The following GPC3 variants were observed in gnomAD, a reference collection of about 807,000 sequenced individuals.
The protein encoded by GPC3 is glypican 3.
Under a neutral mutation model 34.4 loss-of-function variants are expected in GPC3, and 3 were observed. That is an observed-to-expected ratio of 0.09 (90% confidence interval 0.04 to 0.23). GPC3 has a LOEUF of 0.23. GPC3 is among the 10% of genes least tolerant of loss of function. The probability of loss-of-function intolerance (pLI) is 1.00; values close to 1 mark genes in which losing one functional copy is unlikely to be tolerated. For synonymous variants in GPC3, 177 were observed against 174.0 expected, an observed-to-expected ratio of 1.02 and a Z score of -0.13; for missense variants, 351 against 445.6, an observed-to-expected ratio of 0.79 and a Z score of 1.91.
intron 7 of GPC3, among the ~76,000 whole-genome samples, chrX:133,544,387 A>G (rs866381923): frequency 6.2e-5 from 7 of 112,277 alleles, no homozygotes; most frequent in Middle Eastern, 4.7e-3. Flanking sequence ...GGGAAACATC[A>G]CAGTGATTGT....
rs1416473796 is a variant in GPC3, at chrX:133,902,982, T to C, written c.337+50068A>G. ...ATTTTAGGCCGGGTGCGGTAGCCCA[T>C]GCCTGCAATCCCAGCACTTTGGGAG... On this transcript the variant is annotated intron_variant, in intron 2 of 7. Transcript: ENST00000370818. Among the ~76,000 whole-genome samples the C allele has an allele frequency of 3.6e-5, 4 of 111,007 alleles. No individual in the cohort carries two copies. In the East Asian group the frequency reaches 1.1e-3, roughly 32 times the overall value.
chrX:133,915,245 C>A (rs2076218969), intron 2 of GPC3, among the ~76,000 whole-genome samples: 1 of 110,099 alleles, frequency 9.1e-6, no homozygotes, highest in Admixed American at 9.8e-5. Flanking sequence ...GCAATCTCAG[C>A]TCACTGCAAC....
At chrX:133,651,392 C>T (rs1011384101) in intron 6 of GPC3, among the ~76,000 whole-genome samples, 10 of 110,658 alleles carry the variant, frequency 9.0e-5, no homozygotes, top group African/African-American at 3.3e-4. Flanking sequence ...CAAATTATCA[C>T]AATATTTGGG....
intron 2 of GPC3, among the ~76,000 whole-genome samples, chrX:133,925,009 G>A (rs1172332111): frequency 9.2e-6 from 1 of 109,068 alleles, no homozygotes; most frequent in Non-Finnish European, 1.9e-5. Flanking sequence ...GTTGCAATGA[G>A]CCAAGATCAC....
At chrX:133,567,781 C>A (rs1321852044) in intron 7 of GPC3, among the ~76,000 whole-genome samples, 1 of 111,844 alleles carries the variant, frequency 8.9e-6, no homozygotes, top group Non-Finnish European at 1.9e-5. Context: ...AAAACTAAGG[C>A]CCACTTATAA....
At chrX:133,903,525 G>C (rs1467895679) in intron 2 of GPC3, among the ~76,000 whole-genome samples, 1 of 110,582 alleles carries the variant, frequency 9.0e-6, no homozygotes, top group African/African-American at 3.3e-5. Flanking sequence ...GGAGGCGGAA[G>C]TGGCAGTCAG....
At chrX:133,864,675 C>G (rs2075958176) in intron 2 of GPC3, among the ~76,000 whole-genome samples, 1 of 112,601 alleles carries the variant, frequency 8.9e-6, no homozygotes, top group African/African-American at 3.2e-5. Flanking sequence ...GAGTACAATT[C>G]TAAAGTTGTG....
chrX:133,580,947 C>CA, intron 7 of GPC3, among the ~76,000 whole-genome samples: 1 of 112,068 alleles, frequency 8.9e-6, no homozygotes, highest in East Asian at 2.8e-4. Flanking sequence ...GTCGGTGGTT[C>CA]AAAAAATGAT....
At chrX:133,862,260 C>G (rs531146744) in intron 2 of GPC3, among the ~76,000 whole-genome samples, 4 of 110,481 alleles carry the variant, frequency 3.6e-5, no homozygotes, top group African/African-American at 1.3e-4. Flanking sequence ...CAGAAAGATG[C>G]GTAAATATGT....
At chrX:133,706,893 C>T (rs1244838192) in intron 3 of GPC3, among the ~76,000 whole-genome samples, 2 of 111,753 alleles carry the variant, frequency 1.8e-5, no homozygotes, top group Admixed American at 1.9e-4. Flanking sequence ...ACCAAAAAGA[C>T]ACCTGCACCC....
At chrX:133,793,779 G>A (rs901316697) in intron 2 of GPC3, among the ~76,000 whole-genome samples, 3 of 111,897 alleles carry the variant, frequency 2.7e-5, no homozygotes, top group African/African-American at 9.8e-5. Flanking sequence ...GTAAGCTTTT[G>A]ATGAATTAAA....
chrX:133,555,176 G>C (rs2069476030), intron 7 of GPC3, among the ~76,000 whole-genome samples: 1 of 112,583 alleles, frequency 8.9e-6, no homozygotes, highest in African/African-American at 3.2e-5. Flanking sequence ...CAGCTTCCAA[G>C]TAGCTGGAAC....
intron 7 of GPC3, among the ~76,000 whole-genome samples, chrX:133,546,868 C>T (rs1240937951): frequency 8.9e-6 from 1 of 112,280 alleles, no homozygotes; most frequent in Non-Finnish European, 1.9e-5. Context: ...GATATCTGTA[C>T]TTCCAGGTTT....
At chrX:133,834,595 G>A (rs1369147920) in intron 2 of GPC3, among the ~76,000 whole-genome samples, 1 of 111,794 alleles carries the variant, frequency 8.9e-6, no homozygotes, top group Non-Finnish European at 1.9e-5. Context: ...AATAAAGTGG[G>A]CATGATAGCT....
Position 133,622,236 on chromosome X carries a change from C to T in GPC3, c.1414-25637G>A, listed in dbSNP as rs763463968. Among the ~76,000 whole-genome samples, 5 of 111,903 alleles carry T rather than the reference C, an allele frequency of 4.5e-5. No homozygotes were observed. The East Asian group carries it at 1.4e-3, about 32-fold the overall frequency. On this transcript the variant is annotated intron_variant, in intron 6 of 7. Coordinates refer to ENST00000370818, the MANE Select transcript of GPC3 (RefSeq NM_004484.4). ...CAGAAAAGCTGAAAATTCTAAAAAT[C>T]GGAGCACCTCCTCTCCTCCAAAGGA...
intron 6 of GPC3, among the ~76,000 whole-genome samples, chrX:133,629,469 C>T (rs1484969424): frequency 9.0e-6 from 1 of 111,105 alleles, no homozygotes; most frequent in Non-Finnish European, 1.9e-5. Flanking sequence ...GATCTCAGCT[C>T]ACCACAACCT....
chrX:133,867,332 G>A (rs1288764288), intron 2 of GPC3, among the ~76,000 whole-genome samples: 2 of 111,485 alleles, frequency 1.8e-5, no homozygotes, highest in East Asian at 5.6e-4. Flanking sequence ...GAATTATTGG[G>A]TTACTAGTCC....
intron 7 of GPC3, among the ~76,000 whole-genome samples, chrX:133,564,462 CAG>C (rs1377334946): frequency 9.0e-6 from 1 of 111,155 alleles, no homozygotes. Context: ...ATGAGCAAGT[CAG>C]AGACTCTCAT....
intron 2 of GPC3, among the ~76,000 whole-genome samples, chrX:133,869,946 G>C (rs766697061): frequency 3.9e-4 from 44 of 111,964 alleles, no homozygotes; most frequent in East Asian, 1.4e-3. Flanking sequence ...TAGAGCGAGA[G>C]TCCGTCTCAA....
Sources: allele counts gnomAD v4.1 joint callset (sites outside exome capture counted in the v4.1 genomes callset), GRCh38; gene constraint gnomAD v4.1.1; transcripts MANE v1.5; gene names NCBI Gene and HGNC (gene_info 2026-07-23, HGNC 2026-07-21).